The following CCDC3 variants were observed in gnomAD, a reference collection of about 807,000 sequenced individuals.
CCDC3 encodes coiled-coil domain containing 3.
CCDC3 carries 24 observed loss-of-function variants against 21.4 expected under a neutral mutation model. That is an observed-to-expected ratio of 1.12 (90% CI 0.81 to 1.58). CCDC3 has a LOEUF of 1.58. Among genes scored for constraint, CCDC3 ranks in the 40% most tolerant of loss-of-function variants. The pLI is 0.00. For synonymous variants in CCDC3, 186 were observed against 166.0 expected (o/e 1.12, Z -0.93); for missense variants, 425 against 360.9 (o/e 1.18, Z -1.44).
At chr10:12,900,134 C>G (rs1312709146) in intron 2 of CCDC3, among the ~76,000 whole-genome samples, 1 of 152,198 alleles carries the variant, frequency 6.6e-6, no homozygotes, top group Non-Finnish European at 1.5e-5. Flanking sequence ...GAGACCTCCC[C>G]AGGCATGTGG....
upstream of CCDC3, among the ~76,000 whole-genome samples, chr10:13,003,088 T>G (rs1009383377): frequency 6.6e-6 from 1 of 152,196 alleles, no homozygotes; most frequent in Non-Finnish European, 1.5e-5. Context: ...GGAGACATAA[T>G]TCAGTCTATA....
At chr10:13,075,024 A>G (rs945767225) in intron 3 of CCDC3, among the ~76,000 whole-genome samples, 2 of 152,166 alleles carry the variant, frequency 1.3e-5, no homozygotes, top group Non-Finnish European at 2.9e-5. Context: ...CTGGACATGG[A>G]CAAACAATCG....
chr10:13,089,322 CTT>C (rs1419251955), intron 3 of CCDC3, among the ~76,000 whole-genome samples: 1 of 152,250 alleles, frequency 6.6e-6, no homozygotes, highest in Admixed American at 6.5e-5. Flanking sequence ...ATGTTTAACA[CTT>C]ATTATGAATT....
In CCDC3 at chr10:12,997,240, T is replaced by C. The variant is rs1429359045; in HGVS notation, c.549+1098A>G. On this transcript the variant is annotated intron_variant, in intron 2 of 2. Transcript: ENST00000378825. ...TAACATGTGCAAATGGGTTCGTTAATGGAAAAAAAAAAAAAAAGTCCTTAT... is the reference window on the plus strand; with the variant it reads ...TAACATGTGCAAATGGGTTCGTTAACGGAAAAAAAAAAAAAAAGTCCTTAT... Among the ~76,000 whole-genome samples the C allele has an allele frequency of 1.6e-4, 4 of 25,560 alleles. No individual in the cohort carries two copies. The South Asian group carries it at 4.3e-3, about 27-fold the overall frequency. The allele number at this position is 25,560 out of a possible 152,430, so 16.8% of individuals were successfully genotyped here. A position where few individuals can be genotyped will look rare whatever the true frequency, so the allele number is the denominator to read the frequency against.
chr10:12,929,230 C>G (rs1010522937), intron 2 of CCDC3, among the ~76,000 whole-genome samples: 5 of 146,232 alleles, frequency 3.4e-5, no homozygotes, highest in Non-Finnish European at 7.4e-5. Context: ...CCACTGCACT[C>G]CAGCCTGGGT....
chr10:13,079,004 A>G (rs189807891), intron 3 of CCDC3, among the ~76,000 whole-genome samples: 111 of 152,220 alleles, frequency 7.3e-4, no homozygotes, highest in Middle Eastern at 3.4e-3. Context: ...AGAACTTAAA[A>G]TATAATAATA....
At chr10:13,076,956 G>C (rs989569869) in intron 3 of CCDC3, among the ~76,000 whole-genome samples, 3 of 152,146 alleles carry the variant, frequency 2.0e-5, no homozygotes, top group Non-Finnish European at 4.4e-5. Flanking sequence ...GCACAAGAGA[G>C]GGATGCCCTC....
chr10:13,044,868 G>T (rs954279199), intron 5 of CCDC3, among the ~76,000 whole-genome samples: 1 of 152,106 alleles, frequency 6.6e-6, no homozygotes, highest in African/African-American at 2.4e-5. Flanking sequence ...TGAATCTGTA[G>T]ATTGCTTTGG....
chr10:13,038,704 A>G (rs767282911), intron 5 of CCDC3, among the ~76,000 whole-genome samples: 1 of 152,226 alleles, frequency 6.6e-6, no homozygotes, highest in Admixed American at 6.5e-5. Flanking sequence ...CAGGGTCTGC[A>G]GATTAGAAGC....
chr10:13,096,949 T>C (rs1832634475), intron 3 of CCDC3, among the ~76,000 whole-genome samples: 1 of 152,172 alleles, frequency 6.6e-6, no homozygotes, highest in African/African-American at 2.4e-5. Flanking sequence ...CATGGATGTA[T>C]TGAGATCAGG....
intron 2 of CCDC3, among the ~76,000 whole-genome samples, chr10:12,943,550 C>G (rs1174113233): frequency 6.6e-6 from 1 of 152,208 alleles, no homozygotes; most frequent in Non-Finnish European, 1.5e-5. Context: ...CATGGAGGTT[C>G]CCTCCTCCCT....
chr10:12,977,185 G>C (rs1835429778), intron 2 of CCDC3, among the ~76,000 whole-genome samples: 1 of 152,186 alleles, frequency 6.6e-6, no homozygotes, highest in Admixed American at 6.5e-5. Context: ...TGAGGCAGGA[G>C]AATCGCTTGA....
chr10:12,958,246 T>G (rs1230048873), intron 2 of CCDC3, among the ~76,000 whole-genome samples: 1 of 152,126 alleles, frequency 6.6e-6, no homozygotes, highest in Non-Finnish European at 1.5e-5. Context: ...CCCAAGACCA[T>G]GAAGAAGTTT....
At chr10:13,030,273 T>C (rs544767184) in intron 5 of CCDC3, among the ~76,000 whole-genome samples, 21 of 152,188 alleles carry the variant, frequency 1.4e-4, no homozygotes, top group Non-Finnish European at 1.5e-4. Context: ...ATAAAATCCC[T>C]TACAGACAAG....
At position 13,057,297 on chromosome 10, in the gene CCDC3, A is replaced by T. The variant is rs1277506515; in HGVS notation, c.-269-7356T>A. ...ACAGAGAGAGACCTTGTCTTAAAAA[A>T]AACAATAAAAATTTTAAAATAATGA... On this transcript the variant is annotated intron_variant, in intron 4 of 6. Coordinates refer to the CCDC3 transcript ENST00000378839. 4.6e-5 allele frequency among the ~76,000 whole-genome samples: 7 copies of T among 152,190 alleles called. No individual in the cohort carries two copies. In the South Asian group the frequency reaches 1.5e-3, roughly 32 times the overall value.
chr10:13,093,875 G>A (rs1030220403), intron 3 of CCDC3, among the ~76,000 whole-genome samples: 1 of 152,156 alleles, frequency 6.6e-6, no homozygotes, highest in Admixed American at 6.5e-5. Flanking sequence ...TAGACAGCCA[G>A]GCCATTTTTC....
intron 1 of CCDC3, among the ~76,000 whole-genome samples, chr10:13,000,152 C>G (rs1160799799): frequency 6.6e-6 from 1 of 152,214 alleles, no homozygotes; most frequent in Non-Finnish European, 1.5e-5. Context: ...CTCAGTGCTA[C>G]TTCCCAGACT....
chr10:12,988,582 G>C (rs1207636394), intron 2 of CCDC3, among the ~76,000 whole-genome samples: 1 of 152,114 alleles, frequency 6.6e-6, no homozygotes, highest in Non-Finnish European at 1.5e-5. Context: ...GACCTCGAGT[G>C]ATCTGCCCAC....
In CCDC3 at chr10:13,088,964, C is replaced by T. The variant is rs60612012; in HGVS notation, c.-503+9561G>A. Among the ~76,000 whole-genome samples, 382 of 150,910 alleles carry T rather than the reference C, an allele frequency of 2.5e-3. 1 individual carries two copies. The highest frequency in any genetic ancestry group is 9.0e-3 in the African/African-American group (369 of 40,968). On this transcript the variant is annotated intron_variant, in intron 3 of 6. Coordinates refer to the CCDC3 transcript ENST00000378839. ...GGCAAAGGTTGTAGTGAGCTAAGAT[C>T]GTGCCACTGCACTCCAGCCTGGGTG...
Sources: gnomAD v4.1 joint callset for allele counts (sites outside exome capture counted in the v4.1 genomes callset) on GRCh38, gnomAD v4.1.1 for gene constraint, MANE v1.5 for transcripts, NCBI Gene and HGNC (gene_info 2026-07-23, HGNC 2026-07-21) for gene names.